SLC39A11: variants seen among roughly 807,000 people sequenced by gnomAD.
The protein encoded by SLC39A11 is zinc transporter ZIP11.
SLC39A11 carries 33 observed loss-of-function variants against 36.1 expected under a neutral mutation model. That is an observed-to-expected ratio of 0.91 (90% confidence interval 0.69 to 1.22). The LOEUF (loss-of-function observed/expected upper bound fraction) is 1.22. SLC39A11 is among the 50% of genes most tolerant of loss of function. The pLI is 0.00. For synonymous variants in SLC39A11, 166 were observed against 170.3 expected, an observed-to-expected ratio of 0.97 and a Z score of 0.20; for missense variants, 432 against 430.3, an observed-to-expected ratio of 1.00 and a Z score of -0.03.
At position 72,707,871 on chromosome 17, in the gene SLC39A11, G is replaced by T. The variant is rs573488642; in HGVS notation, c.671+28779C>A. On this transcript the variant is annotated intron_variant, in intron 7 of 9. Transcript: ENST00000255559. ...AAGCATGGCAAAAATATCCTCAAAG[G>T]ACAACCAGTTTAAACGATAAGGGTT... 2.6e-5 allele frequency among the ~76,000 whole-genome samples: 4 copies of T among 152,278 alleles called. No homozygotes were observed. The East Asian group carries it at 5.8e-4, about 22-fold the overall frequency.
intron 4 of SLC39A11, among the ~76,000 whole-genome samples, chr17:72,957,476 T>C (rs1354096957): frequency 6.6e-6 from 1 of 152,196 alleles, no homozygotes; most frequent in African/African-American, 2.4e-5. Flanking sequence ...GCTTCTCCAG[T>C]GAGGACACAA....
At chr17:73,084,163 T>C (rs2060637974) in intron 3 of SLC39A11, among the ~76,000 whole-genome samples, 1 of 151,960 alleles carries the variant, frequency 6.6e-6, no homozygotes, top group Non-Finnish European at 1.5e-5. Context: ...ATATGCTGGG[T>C]TCCATAACTC....
At chr17:72,863,770 G>A (rs888529565) in intron 5 of SLC39A11, among the ~76,000 whole-genome samples, 1 of 152,188 alleles carries the variant, frequency 6.6e-6, no homozygotes, top group Non-Finnish European at 1.5e-5. Context: ...GGCAACGCAC[G>A]AGCAACCAGG....
chr17:72,905,172 C>CAAAAAAAAAAAAA lies in SLC39A11; in HGVS notation c.430+42567_430+42579dup, dbSNP rs58702930. Among the ~76,000 whole-genome samples the CAAAAAAAAAAAAA allele has an allele frequency of 8.6e-4, 37 of 42,918 alleles. 4 individuals are homozygous for CAAAAAAAAAAAAA. The highest frequency in any genetic ancestry group is 2.8e-3 in the African/African-American group (31 of 10,976). 28.2% of individuals were successfully genotyped at this position (42,918 alleles called of 152,430 possible). On this transcript the variant is annotated intron_variant, in intron 5 of 9. Coordinates refer to ENST00000255559, the MANE Select transcript of SLC39A11 (RefSeq NM_139177.4). ...TGGGCAACACAGCGAGACTCCATCT[C>CAAAAAAAAAAAAA]AAAAAAAAAAAAAAAAAAAAAAAAA...
Position 73,031,404 on chromosome 17 carries a change from G to C in SLC39A11, c.306+152C>G, listed in dbSNP as rs9912666. ...ACATTACTTTAAGAAAGAAATCACC[G>C]ATCAGTTCCTCTAATGCCTTGTTCT... On this transcript the variant is annotated intron_variant, in intron 4 of 9. Coordinates refer to ENST00000255559, the MANE Select transcript of SLC39A11 (RefSeq NM_139177.4). 3.7e-6 allele frequency: 3 copies of C among 805,778 alleles called. No homozygotes were observed. The Admixed American group carries it at 8.8e-5, about 24-fold the overall frequency. The allele number at this position is 805,778 out of a possible 1,614,324, so 49.9% of individuals were successfully genotyped here.
chr17:73,003,603 T>C (rs2089955131), intron 4 of SLC39A11, among the ~76,000 whole-genome samples: 3 of 151,752 alleles, frequency 2.0e-5, no homozygotes, highest in Admixed American at 2.0e-4. Flanking sequence ...TGAGTCTACA[T>C]GAGAAAAGGG....
chr17:73,046,846 T>A (rs1391357789), intron 3 of SLC39A11, among the ~76,000 whole-genome samples: 1 of 151,744 alleles, frequency 6.6e-6, no homozygotes, highest in African/African-American at 2.4e-5. Flanking sequence ...GAGGCTGAAG[T>A]GGGGGCATCG....
intron 4 of SLC39A11, among the ~76,000 whole-genome samples, chr17:72,963,360 C>T (rs111832247): frequency 0.087 from 13,218 of 151,482 alleles, 827 homozygotes; most frequent in African/African-American, 0.17. Context: ...TTAGTAGAGA[C>T]GGGGTTTCAC....
intron 7 of SLC39A11, among the ~76,000 whole-genome samples, chr17:72,658,942 A>C (rs55757612): frequency 0.32 from 48,174 of 152,042 alleles, 7,943 homozygotes; most frequent in African/African-American, 0.41. Flanking sequence ...TGAGCTGGGC[A>C]CTGAAGCCTC....
rs2069602360 is a variant in SLC39A11 at position 72,647,345 on chromosome 17, G to T, written c.*239C>A. On this transcript the variant is annotated 3_prime_UTR_variant, in exon 10 of 10. Coordinates refer to ENST00000255559, the MANE Select transcript of SLC39A11 (RefSeq NM_139177.4). The stretch of plus-strand genomic sequence containing the variant: ...TCCCACTGAAGAGAGAGTCCATTCA[G>T]TGGCCAAAACAAAGAATCTGTATTT... 5.7e-6 allele frequency: 2 copies of T among 351,894 alleles called. No homozygotes were observed. Among genetic ancestry groups the T allele is most frequent in the South Asian group, 9.1e-5 (2 of 21,902 alleles). The allele number at this position is 351,894 out of a possible 1,614,324, so 21.8% of individuals were successfully genotyped here.
At chr17:72,707,119 G>A (rs556008845) in intron 7 of SLC39A11, among the ~76,000 whole-genome samples, 2 of 152,170 alleles carry the variant, frequency 1.3e-5, no homozygotes, top group African/African-American at 2.4e-5. Flanking sequence ...ATTTTGCTAG[G>A]CCGGGCATCA....
intron 6 of SLC39A11, among the ~76,000 whole-genome samples, chr17:72,815,348 G>T (rs1432184252): frequency 1.3e-5 from 2 of 152,252 alleles, no homozygotes; most frequent in African/African-American, 4.8e-5. Context: ...GGCTGGGCGT[G>T]GTGGCTCATG....
intron 7 of SLC39A11, among the ~76,000 whole-genome samples, chr17:72,694,673 A>G (rs1244008650): frequency 6.6e-6 from 1 of 152,144 alleles, no homozygotes; most frequent in Non-Finnish European, 1.5e-5. Context: ...AAGGTGGAGG[A>G]ACCTTGTGGG....
At chr17:72,902,070 G>A (rs373055450) in intron 5 of SLC39A11, among the ~76,000 whole-genome samples, 60 of 152,102 alleles carry the variant, frequency 3.9e-4, no homozygotes, top group African/African-American at 1.4e-3. Flanking sequence ...TCGAGAGTTC[G>A]AGACCAGCCT....
At chr17:72,990,799 T>C (rs1159105063) in intron 4 of SLC39A11, among the ~76,000 whole-genome samples, 1 of 152,178 alleles carries the variant, frequency 6.6e-6, no homozygotes, top group Non-Finnish European at 1.5e-5. Flanking sequence ...ACAGTGTATA[T>C]ATATATAACC....
At chr17:72,949,144 C>CTTTGTTTTTTTTTT (rs2085662442) in intron 4 of SLC39A11, among the ~76,000 whole-genome samples, 2 of 36,474 alleles carry the variant, frequency 5.5e-5, no homozygotes, top group African/African-American at 1.7e-4. Context: ...CACTGGGCAG[C>CTTTGTTTTTTTTTT]TTTTTTTTTT....
At chr17:72,813,324 C>G (rs1445326273) in intron 6 of SLC39A11, among the ~76,000 whole-genome samples, 1 of 152,126 alleles carries the variant, frequency 6.6e-6, no homozygotes, top group African/African-American at 2.4e-5. Context: ...AGTAATAAAA[C>G]CGAATTTGTT....
intron 6 of SLC39A11, among the ~76,000 whole-genome samples, chr17:72,766,711 G>C (rs1390991864): frequency 6.6e-6 from 1 of 152,076 alleles, no homozygotes; most frequent in African/African-American, 2.4e-5. Flanking sequence ...CTTGTTATTT[G>C]CTCTCCCACC....
At chr17:72,944,463 T>G (rs1477892213) in intron 5 of SLC39A11, among the ~76,000 whole-genome samples, 2 of 152,154 alleles carry the variant, frequency 1.3e-5, no homozygotes, top group Non-Finnish European at 2.9e-5. Flanking sequence ...CCCAAGATCT[T>G]GAACAACACT....
Sources: gnomAD v4.1 joint callset for allele counts (sites outside exome capture counted in the v4.1 genomes callset) on GRCh38, gnomAD v4.1.1 for gene constraint, MANE v1.5 for transcripts, NCBI Gene and HGNC (gene_info 2026-07-23, HGNC 2026-07-21) for gene names.